Variants in MED23 observed in about 807,000 individuals in gnomAD.
The protein encoded by MED23 is mediator complex subunit 23, also known as mediator of RNA polymerase II transcription subunit 23.
In MED23, 105 loss-of-function variants were observed where a neutral mutation model predicts 163.9. The ratio of observed to expected loss-of-function variants is 0.64; its 90% CI spans 0.55 to 0.75. The LOEUF (loss-of-function observed/expected upper bound fraction) is 0.75. Among genes scored for constraint, MED23 ranks in the 30% least tolerant of loss-of-function variants. The pLI, the probability that MED23 is intolerant of heterozygous loss-of-function variation, is 0.00. For synonymous variants in MED23, 561 were observed against 565.6 expected (o/e 0.99, Z 0.12); for missense variants, 1,054 against 1,649.0 (o/e 0.64, Z 6.25).
At chr6:131,579,258 T>A in intron 30 of MED23, 1 of 1,614,094 alleles carries the variant, frequency 6.2e-7, no homozygotes, top group East Asian at 2.2e-5. Flanking sequence ...AACGGAAGAA[T>A]CAGCCTGGTG....
chr6:131,619,568 T>C (rs1489062844), intron 8 of MED23, among the ~76,000 whole-genome samples: 4 of 151,902 alleles, frequency 2.6e-5, no homozygotes, highest in Non-Finnish European at 5.9e-5. Context: ...TTAAAATGTC[T>C]TTCTAATCAC....
In MED23 at chr6:131,591,546, G is replaced by GCTA. The variant is rs749925192; in HGVS notation, c.3472-22_3472-20dup. ...ATGGCTCCTTTAAAATCGGAGGAAA[G>GCTA]CTAGTGAAAAATATCACTTATCCAG... On this transcript the variant is annotated intron_variant, in intron 25 of 28. Coordinates refer to ENST00000368068, the MANE Select transcript of MED23 (RefSeq NM_004830.4). 6 of 1,570,540 alleles carry GCTA rather than the reference G, an allele frequency of 3.8e-6. No individual in the cohort carries two copies. The East Asian group carries it at 1.3e-4, about 35-fold the overall frequency.
intron 3 of MED23, among the ~76,000 whole-genome samples, chr6:131,626,013 T>C (rs1177803512): frequency 6.7e-6 from 1 of 149,808 alleles, no homozygotes; most frequent in East Asian, 2.0e-4. Flanking sequence ...TCCCAGCTAC[T>C]CGGGAGGCTG....
chr6:131,621,960 T>C lies in MED23; in HGVS notation c.416A>G (p.Lys139Arg). ...TGTCAAAATCTTCTCCAAAATCACT[T>C]TTAAGAGATCTCGAACACCCTGATA... ...VDYKGVRDLL[K>R]VILEKILTIP... Residue 139 changes from lysine to arginine, a missense_variant, in exon 6 of 29, where the codon AAA becomes AGA. Lys to Arg is a conservative substitution (Grantham distance 26). Coordinates refer to ENST00000368068, the MANE Select transcript of MED23 (RefSeq NM_004830.4). 1.2e-6 allele frequency: 2 copies of C among 1,613,346 alleles called. No individual in the cohort carries two copies. Among genetic ancestry groups the C allele is most frequent in the South Asian group, 2.2e-5 (2 of 91,064 alleles).
chr6:131,583,633 C>T, downstream of MED23: 1 of 1,518,108 alleles, frequency 6.6e-7, no homozygotes, highest in Non-Finnish European at 9.0e-7. Context: ...AAGTGTTTTC[C>T]ATCGGTTACT....
In MED23 at chr6:131,624,574, TTAAGCCA is replaced by T. The variant is rs556576593; in HGVS notation, c.284+284_284+290del. Reference sequence around the variant, plus strand: ...ATTTTAAAACCTGAGTATTACTGTTTTAAGCCATAAGGTGTTGAGGTTGTGCAGCAAA... The same window carrying T: ...ATTTTAAAACCTGAGTATTACTGTTTTAAGGTGTTGAGGTTGTGCAGCAAA... On this transcript the variant is annotated intron_variant, in intron 4 of 28. Transcript: ENST00000368068. Among the ~76,000 whole-genome samples the T allele has an allele frequency of 1.4e-4, 22 of 152,330 alleles. No individual in the cohort carries two copies. The South Asian group carries it at 4.3e-3, about 30-fold the overall frequency.
chr6:131,602,227 G>T lies in MED23; in HGVS notation c.2086C>A (p.His696Asn). The T allele has an allele frequency of 6.2e-7, 1 of 1,613,762 alleles. No individual in the cohort carries two copies. The highest frequency in any genetic ancestry group is 1.1e-5 in the South Asian group (1 of 91,072). Residue 696 changes from histidine to asparagine, a missense_variant, in exon 17 of 29, where the codon CAT (histidine) becomes AAT (asparagine). By Grantham distance (68) the His-to-Asn change is moderately conservative. Around this residue, in one of 11 missense-constraint regions of MED23, gnomAD observed 228 missense variants for 461.3 expected, o/e 0.49. Coordinates refer to ENST00000368068, the MANE Select transcript of MED23 (RefSeq NM_004830.4). ...CACATATTCACCGTACCTGTTACATGAGTTGCTCTAGCCAAGGTCAATATC... is the reference window on the plus strand; with the variant it reads ...CACATATTCACCGTACCTGTTACATTAGTTGCTCTAGCCAAGGTCAATATC... ...ALILTLARAT[H>N]VTDFFTGSDS...
At chr6:131,595,715 G>A (rs570462899) in intron 22 of MED23, among the ~76,000 whole-genome samples, 1 of 152,218 alleles carries the variant, frequency 6.6e-6, no homozygotes, top group South Asian at 2.1e-4. Flanking sequence ...AGGCCGCCAA[G>A]ATCTGTTTAG....
In MED23 at chr6:131,617,016, G is replaced by T. The variant is rs183185330; in HGVS notation, c.781-1014C>A. ...CATATCAACTTTTTGAGAAGTAGAT[G>T]AAACAGTGATAAGCCTAGTTATATT... On this transcript the variant is annotated intron_variant, in intron 9 of 28. Coordinates refer to ENST00000368068, the MANE Select transcript of MED23 (RefSeq NM_004830.4). Among the ~76,000 whole-genome samples, 533 of 151,874 alleles carry T rather than the reference G, an allele frequency of 3.5e-3. 13 individuals carry two copies. Among genetic ancestry groups the T allele is most frequent in the Admixed American group, 0.027 (414 of 15,266 alleles).
intron 13 of MED23, 124 bp from the exon 14 acceptor site, chr6:131,605,609 T>C: frequency 1.1e-6 from 1 of 916,006 alleles, no homozygotes; most frequent in Non-Finnish European, 1.6e-6. Flanking sequence ...CCTATAGGTA[T>C]TATAGTTTCT....
rs1777665359 is a variant in MED23 at position 131,628,202 on chromosome 6, C to T, written c.-153G>A. On this transcript the variant is annotated 5_prime_UTR_variant, in exon 1 of 29. Coordinates refer to ENST00000368068, the MANE Select transcript of MED23 (RefSeq NM_004830.4). ...CCCCAGCGCTTTACCTGGAGCGTTC[C>T]CTCCCGAGCCCAGCCAACAGCAGGA... 3.6e-6 allele frequency: 3 copies of T among 836,290 alleles called. No homozygotes were observed. The highest frequency in any genetic ancestry group is 5.9e-6 in the Non-Finnish European group (3 of 506,808). 51.8% of individuals were successfully genotyped at this position (836,290 alleles called of 1,614,324 possible).
chr6:131,620,751 C>T, intron 6 of MED23, 22 bp from the exon 7 acceptor site: 1 of 1,459,074 alleles, frequency 6.9e-7, no homozygotes, highest in Middle Eastern at 1.9e-4. Context: ...AAAAAGGCCA[C>T]ATCATTCTTG....
chr6:131,609,990 C>G, intron 11 of MED23, 56 bp downstream of exon 11: 3 of 1,535,250 alleles, frequency 2.0e-6, no homozygotes, highest in Non-Finnish European at 2.7e-6. Context: ...CCACAGCAGT[C>G]TAAAATACAG....
chr6:131,583,640 T>C (rs1264515526), downstream of MED23: 1 of 1,520,432 alleles, frequency 6.6e-7, no homozygotes, highest in Non-Finnish European at 9.0e-7. Context: ...TTCCATCGGT[T>C]ACTACCTTTT....
intron 10 of MED23, among the ~76,000 whole-genome samples, chr6:131,613,325 G>T (rs1002194234): frequency 1.3e-5 from 2 of 152,144 alleles, no homozygotes; most frequent in African/African-American, 4.8e-5. Flanking sequence ...CACCTTGCAG[G>T]TCATGAAACT....
chr6:131,600,845 T>C (rs1396763851), intron 17 of MED23, among the ~76,000 whole-genome samples: 2 of 152,192 alleles, frequency 1.3e-5, no homozygotes, highest in Non-Finnish European at 2.9e-5. Flanking sequence ...CCAGACTAGA[T>C]GAAAAGGCTT....
intron 13 of MED23, among the ~76,000 whole-genome samples, chr6:131,605,935 G>A (rs989003505): frequency 1.3e-5 from 2 of 152,148 alleles, no homozygotes; most frequent in Admixed American, 1.3e-4. Flanking sequence ...GTGAAGAGAA[G>A]TGGCAGTCCT....
chr6:131,606,654 A>G, intron 12 of MED23, 30 bp from the exon 13 acceptor site: 2 of 1,534,688 alleles, frequency 1.3e-6, no homozygotes, highest in South Asian at 1.1e-5. Context: ...AAAATAACAC[A>G]ATAGAAGAAA....
intron 30 of MED23, among the ~76,000 whole-genome samples, chr6:131,578,749 G>C (rs1773759409): frequency 6.6e-6 from 1 of 152,018 alleles, no homozygotes; most frequent in Admixed American, 6.6e-5. Flanking sequence ...GCTTACTATA[G>C]AAAGGTAAAA....
Sources: allele counts gnomAD v4.1 joint callset (sites outside exome capture counted in the v4.1 genomes callset), GRCh38; gene constraint gnomAD v4.1.1; regional missense constraint gnomAD v4.1.1; transcripts MANE v1.5; gene names NCBI Gene and HGNC (gene_info 2026-07-23, HGNC 2026-07-21).